The following TNRC18 variants were observed in gnomAD, a reference collection of about 807,000 sequenced individuals.
TNRC18 encodes trinucleotide repeat containing 18, also known as trinucleotide repeat-containing gene 18 protein.
A neutral mutation model predicts 226.7 loss-of-function variants in TNRC18; 69 were observed. The ratio of observed to expected loss-of-function variants is 0.30; its 90% CI spans 0.25 to 0.37. The LOEUF (loss-of-function observed/expected upper bound fraction) is 0.37, where lower values mean the gene tolerates loss of function less well. Ranked by LOEUF, TNRC18 falls within the 10% of genes least tolerant of loss-of-function variation. TNRC18 has a pLI of 1.00. For missense variants in TNRC18, 4,754 were observed against 4,256.6 expected, an observed-to-expected ratio of 1.12 and a Z score of -3.25; for synonymous variants, 2,449 against 1,927.6, an observed-to-expected ratio of 1.27 and a Z score of -7.09.
chr7:5,351,542 C>G (rs1358750712), intron 17 of TNRC18, among the ~76,000 whole-genome samples: 2 of 152,126 alleles, frequency 1.3e-5, no homozygotes, highest in African/African-American at 2.4e-5. Flanking sequence ...TGGAGAGAAA[C>G]GCAGACTCAA....
chr7:5,347,559 G>A (rs1045432052), intron 17 of TNRC18, among the ~76,000 whole-genome samples: 4 of 151,978 alleles, frequency 2.6e-5, no homozygotes, highest in Non-Finnish European at 4.4e-5. Context: ...TGGCAACTCC[G>A]GAGGCAGAAG....
Position 5,390,621 on chromosome 7 carries a change from G to T in TNRC18, c.351C>A (p.Ser117=). 1 of 1,569,376 alleles carries T rather than the reference G, an allele frequency of 6.4e-7. No homozygotes were observed. The highest frequency in any genetic ancestry group is 8.6e-7 in the Non-Finnish European group (1 of 1,158,018). The change falls in exon 4 of 30, where the codon TCC becomes TCA. Residue 117 remains serine, a synonymous_variant. Transcript: ENST00000430969. ...ATGGGTACAGCCCACTGGGCAGGTG[G>T]GAGAAGCCTGTAACAGAAAAGAGAA... ...LWAAHAHEGF[S]HLPSGLYPSY... is the part of the protein sequence containing the mutation.
In TNRC18 at chr7:5,376,236, G is replaced by A; in HGVS notation, c.2609-12C>T. On this transcript the variant is annotated splice_polypyrimidine_tract_variant and intron_variant, in intron 8 of 29. Transcript: ENST00000430969. Reference sequence around the variant, plus strand: ...CTCCATCAGCTCCGCTGCAGGGACAGAGACAGTGCGCTGCACCTGCGGCCT... The same window carrying A: ...CTCCATCAGCTCCGCTGCAGGGACAAAGACAGTGCGCTGCACCTGCGGCCT... The A allele has an allele frequency of 1.4e-6, 2 of 1,477,964 alleles. No homozygotes were observed. Among genetic ancestry groups the A allele is most frequent in the East Asian group, 4.9e-5 (2 of 41,154 alleles). 91.6% of individuals were successfully genotyped at this position (1,477,964 alleles called of 1,614,324 possible).
chr7:5,324,335 G>A lies in TNRC18; in HGVS notation c.6321C>T (p.Ala2107=), dbSNP rs1056175. ...CCATGCTCTCCATCAGCTTGCTCAC[G>A]GCACCCCCCTTGCCGCGGTTCTGGG... The part of the protein sequence containing the change: ...VKKENRGKGG[A]VSKLMESMAA... The change falls in exon 21 of 30, where the codon GCC becomes GCT. Residue 2107 remains alanine (A), a synonymous_variant. Coordinates refer to ENST00000430969, the MANE Select transcript of TNRC18 (RefSeq NM_001080495.3). This position sits in a 1 kb window ranked among gnomAD's most constrained non-coding sequence, Gnocchi z 4.8. The A allele has an allele frequency of 3.4e-5, 55 of 1,613,530 alleles. No homozygotes were observed. Among genetic ancestry groups the A allele is most frequent in the African/African-American group, 1.6e-4 (12 of 75,034 alleles).
At chr7:5,392,209 A>C (rs1434446820) in intron 3 of TNRC18, among the ~76,000 whole-genome samples, 1 of 152,176 alleles carries the variant, frequency 6.6e-6, no homozygotes, top group African/African-American at 2.4e-5. Flanking sequence ...CATGCCTGTA[A>C]TCCCAGCATT....
intron 24 of TNRC18, 65 bp from the exon 25 acceptor site, chr7:5,316,137 G>A: frequency 2.3e-6 from 3 of 1,320,632 alleles, no homozygotes; most frequent in Non-Finnish European, 3.2e-6. Flanking sequence ...ACGCACAAGG[G>A]TCAGGATGGC....
intron 11 of TNRC18, among the ~76,000 whole-genome samples, chr7:5,363,555 G>C (rs1793300409): frequency 6.6e-6 from 1 of 152,160 alleles, no homozygotes. Flanking sequence ...AGTAAGCCGA[G>C]ATGGCGCCAC....
At chr7:5,380,940 C>A (rs1241959269) in intron 5 of TNRC18, among the ~76,000 whole-genome samples, 1 of 152,170 alleles carries the variant, frequency 6.6e-6, no homozygotes, top group Admixed American at 6.5e-5. Flanking sequence ...GAGTCTGGGA[C>A]AAGCTTTGAG....
chr7:5,338,975 C>G (rs1790399743), intron 18 of TNRC18, among the ~76,000 whole-genome samples: 1 of 150,662 alleles, frequency 6.6e-6, no homozygotes, highest in Admixed American at 6.6e-5. Flanking sequence ...CAACCTCAGC[C>G]CCACAACGTC....
At chr7:5,317,070 C>T (rs939536304) in intron 24 of TNRC18, among the ~76,000 whole-genome samples, 2 of 152,178 alleles carry the variant, frequency 1.3e-5, no homozygotes, top group African/African-American at 2.4e-5. Flanking sequence ...GATGCTGGTA[C>T]TATATCCCCA....
rs943149546 is a variant in TNRC18, at chr7:5,370,439, A to C, written c.4155T>G (p.His1385Gln). Residue 1385 changes from histidine to glutamine, a missense_variant, in exon 11 of 30, where the codon CAT becomes CAG. Coordinates refer to ENST00000430969, the MANE Select transcript of TNRC18 (RefSeq NM_001080495.3). ...CGATCTCACTTAGCAGGGTGATGCCATGCAGGAAGCTCTGCTCCAAGACAA... is the reference window on the plus strand; with the variant it reads ...CGATCTCACTTAGCAGGGTGATGCCCTGCAGGAAGCTCTGCTCCAAGACAA... ...ESLVLEQSFL[H>Q]GITLLSEIAE... 1 of 1,559,356 alleles carries C rather than the reference A, an allele frequency of 6.4e-7. No homozygotes were observed. Among genetic ancestry groups the C allele is most frequent in the East Asian group, 2.4e-5 (1 of 41,524 alleles).
intron 29 of TNRC18, among the ~76,000 whole-genome samples, 168 bp downstream of exon 29, chr7:5,308,707 G>A (rs1019488457): frequency 6.6e-6 from 1 of 152,180 alleles, no homozygotes; most frequent in Non-Finnish European, 1.5e-5. Context: ...ACAGACCAGA[G>A]AGACAGAGAA....
Position 5,315,972 on chromosome 7 carries a change from A to G in TNRC18, c.6846T>C (p.Pro2282=), listed in dbSNP as rs1218715083. The G allele has an allele frequency of 1.3e-6, 2 of 1,595,628 alleles. No homozygotes were observed. The highest frequency in any genetic ancestry group is 1.4e-5 in the African/African-American group (1 of 73,516). Residue 2282 remains proline (P), a synonymous_variant, in exon 25 of 30, where the codon CCT becomes CCC. Coordinates refer to ENST00000430969, the MANE Select transcript of TNRC18 (RefSeq NM_001080495.3). The stretch of plus-strand genomic sequence containing the variant: ...GTCACTTACACTGTATCTTATAGTC[A>G]GGGGGCAGGAGGCGGATATGTGAGA... ...IPLSHIRLLP[P]DYKIQCAEPS... is the part of the protein sequence containing the mutation.
chr7:5,319,353 G>T (rs546137728), intron 24 of TNRC18, among the ~76,000 whole-genome samples: 2 of 151,838 alleles, frequency 1.3e-5, no homozygotes, highest in East Asian at 3.9e-4. Flanking sequence ...TTTTTTGCAC[G>T]GGCGGGGTTT....
intron 11 of TNRC18, among the ~76,000 whole-genome samples, chr7:5,368,390 C>T (rs1363117236): frequency 6.6e-6 from 1 of 151,844 alleles, no homozygotes; most frequent in Non-Finnish European, 1.5e-5. Flanking sequence ...TGTCCGGGCG[C>T]GGTGGCTCAC....
chr7:5,421,139 T>C lies in TNRC18; in HGVS notation c.108A>G (p.Gly36=). ...DSHRVGAATA[G]RLPASGLPGP... is the part of the protein sequence containing the mutation. ...CGGGCAAGCCCGAGGCGGGCAAGCGTCCGGCAGTGGCCGCGCCCACGCGGT... is the reference window on the plus strand; with the variant it reads ...CGGGCAAGCCCGAGGCGGGCAAGCGCCCGGCAGTGGCCGCGCCCACGCGGT... Residue 36 remains glycine, a synonymous_variant, in exon 2 of 30, where the codon GGA becomes GGG. Transcript: ENST00000430969. The C allele has an allele frequency of 2.8e-6, 4 of 1,438,854 alleles. No homozygotes were observed. Among genetic ancestry groups the C allele is most frequent in the Non-Finnish European group, 2.7e-6 (3 of 1,091,416 alleles). The allele number at this position is 1,438,854 out of a possible 1,614,324, so 89.1% of individuals were successfully genotyped here.
chr7:5,359,649 G>A (rs554633890), intron 14 of TNRC18, 80 bp from the exon 15 acceptor site: 8 of 1,571,316 alleles, frequency 5.1e-6, no homozygotes, highest in African/African-American at 2.7e-5. Flanking sequence ...TGGCCCTGAA[G>A]GGTTGGGCTC....
chr7:5,306,943 T>TTGTC lies in TNRC18; in HGVS notation c.*1159_*1162dup, dbSNP rs928736682. ...AGTCTGGCTTTTCCTTCCCTCAAGA[T>TTGTC]TGTCTGGTTGAGGCCTTGGTTTCCC... On this transcript the variant is annotated 3_prime_UTR_variant, in exon 30 of 30. Transcript: ENST00000430969. 26 of 151,256 alleles carry TTGTC rather than the reference T, an allele frequency of 1.7e-4. No individual in the cohort carries two copies. The highest frequency in any genetic ancestry group is 6.1e-4 in the African/African-American group (25 of 41,318). 9.4% of individuals were successfully genotyped at this position (151,256 alleles called of 1,614,324 possible).
At chr7:5,373,605 T>C (rs1016070912) in intron 10 of TNRC18, among the ~76,000 whole-genome samples, 1 of 152,048 alleles carries the variant, frequency 6.6e-6, no homozygotes, top group Non-Finnish European at 1.5e-5. Context: ...AAGAACACAG[T>C]CCCAGCCCCC....
Sources: gnomAD v4.1 joint callset for allele counts (sites outside exome capture counted in the v4.1 genomes callset) on GRCh38, gnomAD v4.1.1 for gene constraint, Gnocchi (gnomAD v3.1) non-coding constraint, MANE v1.5 for transcripts, NCBI Gene and HGNC (gene_info 2026-07-23, HGNC 2026-07-21) for gene names.